The following GMDS variants were observed in gnomAD, a reference collection of about 807,000 sequenced individuals.
The protein encoded by GMDS is GDP-mannose 4,6 dehydratase.
A neutral mutation model predicts 49.9 loss-of-function variants in GMDS; 20 were observed. The observed-to-expected ratio is 0.40, with a 90% confidence interval of 0.28 to 0.58. GMDS has a LOEUF of 0.58. GMDS is among the 20% of genes least tolerant of loss of function. GMDS has a pLI of 0.42. For missense variants in GMDS, 362 were observed against 481.4 expected, an observed-to-expected ratio of 0.75 and a Z score of 2.32; for synonymous variants, 177 against 178.6, an observed-to-expected ratio of 0.99 and a Z score of 0.07.
At chr6:1,628,637 T>A (rs1456717155) in intron 9 of GMDS, among the ~76,000 whole-genome samples, 3 of 152,262 alleles carry the variant, frequency 2.0e-5, no homozygotes, top group East Asian at 1.9e-4. Flanking sequence ...GCAAAGAACA[T>A]CTGTTTAGGT....
At chr6:2,122,212 A>G (rs1397711772) in intron 2 of GMDS, among the ~76,000 whole-genome samples, 2 of 152,114 alleles carry the variant, frequency 1.3e-5, no homozygotes, top group Non-Finnish European at 2.9e-5. Context: ...TCTCATCTAA[A>G]CCTTTAGTTG....
intron 1 of GMDS, among the ~76,000 whole-genome samples, chr6:2,239,194 T>C (rs1302467674): frequency 6.6e-6 from 1 of 152,136 alleles, no homozygotes; most frequent in Non-Finnish European, 1.5e-5. Flanking sequence ...TTGGGCGTGG[T>C]AGCGCACGCC....
chr6:1,648,914 G>A (rs901604513), intron 9 of GMDS, among the ~76,000 whole-genome samples: 1 of 152,082 alleles, frequency 6.6e-6, no homozygotes, highest in African/African-American at 2.4e-5. Context: ...TGACTTTTTT[G>A]CTCCACATTT....
At chr6:2,068,248 T>C (rs1264210131) in intron 4 of GMDS, among the ~76,000 whole-genome samples, 1 of 151,994 alleles carries the variant, frequency 6.6e-6, no homozygotes, top group Non-Finnish European at 1.5e-5. Context: ...ATAAATTAGG[T>C]ATTGATGGGA....
At chr6:1,674,558 CTCTTTT>C (rs1427232373) in intron 9 of GMDS, among the ~76,000 whole-genome samples, 157 of 71,404 alleles carry the variant, frequency 2.2e-3, no homozygotes, top group African/African-American at 6.8e-3. Context: ...CTCTCTCTCT[CTCTTTT>C]TTTTTTTTTT....
At chr6:2,087,913 C>T (rs1773103820) in intron 4 of GMDS, among the ~76,000 whole-genome samples, 1 of 152,182 alleles carries the variant, frequency 6.6e-6, no homozygotes, top group Non-Finnish European at 1.5e-5. Flanking sequence ...CATTATTGCG[C>T]ATCTTCTGTT....
chr6:2,079,017 GTCTT>G (rs1772508926), intron 4 of GMDS, among the ~76,000 whole-genome samples: 1 of 23,206 alleles, frequency 4.3e-5, no homozygotes, highest in African/African-American at 1.3e-4. Flanking sequence ...TAATGACCTT[GTCTT>G]TTTTTTTTTT....
Position 1,836,266 on chromosome 6 carries a change from A to C in GMDS, c.772-93680T>G, listed in dbSNP as rs1393226831. Among the ~76,000 whole-genome samples, 3 of 152,176 alleles carry C rather than the reference A, an allele frequency of 2.0e-5. No individual in the cohort carries two copies. The highest frequency in any genetic ancestry group is 2.9e-5 in the Non-Finnish European group (2 of 68,040). ...TCTTTCCTGGTGGTTTTGCTGTGTAAATGAAAGAAAAACTCTGAGACCTGA... is the reference window on the plus strand; with the variant it reads ...TCTTTCCTGGTGGTTTTGCTGTGTACATGAAAGAAAAACTCTGAGACCTGA... On this transcript the variant is annotated intron_variant, in intron 7 of 10. Transcript: ENST00000380815. The surrounding 1 kb of genome is among the most constrained non-coding windows in gnomAD (Gnocchi z 4.2).
At chr6:2,223,143 C>CTA (rs1171773631) in intron 1 of GMDS, among the ~76,000 whole-genome samples, 2 of 151,770 alleles carry the variant, frequency 1.3e-5, no homozygotes, top group African/African-American at 4.9e-5. Context: ...CGCGCTCTCT[C>CTA]TCTCTCTATA....
chr6:2,060,875 C>A (rs898452639), intron 4 of GMDS, among the ~76,000 whole-genome samples: 4 of 152,014 alleles, frequency 2.6e-5, no homozygotes, highest in African/African-American at 9.7e-5. Context: ...CAAAAATTAG[C>A]CGGGCGTAGT....
chr6:1,792,808 T>C (rs138376253), intron 7 of GMDS, among the ~76,000 whole-genome samples: 118 of 152,314 alleles, frequency 7.7e-4, no homozygotes, highest in African/African-American at 2.8e-3. Context: ...GTCTGAAATC[T>C]GTACTTCTGG....
intron 7 of GMDS, among the ~76,000 whole-genome samples, chr6:1,808,528 T>G (rs1158172572): frequency 6.6e-6 from 1 of 152,200 alleles, no homozygotes; most frequent in Non-Finnish European, 1.5e-5. Flanking sequence ...ATTTTCTTAT[T>G]GATCACTATT....
intron 4 of GMDS, among the ~76,000 whole-genome samples, chr6:2,021,211 G>C (rs1371610665): frequency 6.6e-6 from 1 of 152,216 alleles, no homozygotes; most frequent in Non-Finnish European, 1.5e-5. Context: ...AGGGCCATTA[G>C]TGAAGGAGCA....
chr6:1,963,788 A>C (rs1439915393), intron 4 of GMDS, among the ~76,000 whole-genome samples: 2 of 152,240 alleles, frequency 1.3e-5, no homozygotes, highest in East Asian at 3.9e-4. Context: ...TGAGCAGATC[A>C]CTCAACCACT....
chr6:1,787,433 C>T (rs1027587840), intron 7 of GMDS, among the ~76,000 whole-genome samples: 1 of 152,190 alleles, frequency 6.6e-6, no homozygotes, highest in Admixed American at 6.5e-5. Flanking sequence ...ACGAGAGGCC[C>T]CATTCACTAT....
At chr6:2,184,879 T>C (rs914070193) in intron 1 of GMDS, among the ~76,000 whole-genome samples, 2 of 152,206 alleles carry the variant, frequency 1.3e-5, no homozygotes, top group South Asian at 2.1e-4. Flanking sequence ...GACTGTGACA[T>C]TGCTCCAGTG....
intron 4 of GMDS, among the ~76,000 whole-genome samples, chr6:2,062,720 T>A (rs1376950884): frequency 1.3e-5 from 2 of 152,226 alleles, no homozygotes; most frequent in Non-Finnish European, 2.9e-5. Context: ...CTTGATTTTA[T>A]CTTAAAAAGA....
At chr6:1,876,024 AAAAG>A (rs970446909) in intron 7 of GMDS, among the ~76,000 whole-genome samples, 5 of 149,984 alleles carry the variant, frequency 3.3e-5, no homozygotes, top group African/African-American at 5.0e-5. Flanking sequence ...TCAAAAAAAA[AAAAG>A]AAAAGAAAAG....
intron 7 of GMDS, among the ~76,000 whole-genome samples, chr6:1,882,674 G>A (rs1185845969): frequency 6.6e-6 from 1 of 152,198 alleles, no homozygotes; most frequent in African/African-American, 2.4e-5. Flanking sequence ...TGAGCAAAAG[G>A]ATCCAAACAC....
Sources: allele counts gnomAD v4.1 joint callset (sites outside exome capture counted in the v4.1 genomes callset), GRCh38; gene constraint gnomAD v4.1.1; non-coding constraint Gnocchi (gnomAD v3.1); transcripts MANE v1.5; gene names NCBI Gene and HGNC (gene_info 2026-07-23, HGNC 2026-07-21).